Variants in ZDHHC11B observed in about 807,000 individuals in gnomAD.
ZDHHC11B encodes the protein zDHHC palmitoyltransferase 11B (putative), also known as probable palmitoyltransferase ZDHHC11B.
Under a neutral mutation model 42.3 loss-of-function variants are expected in ZDHHC11B, and 17 were observed. That is an observed-to-expected ratio of 0.40 (90% CI 0.27 to 0.60). The LOEUF is 0.60. ZDHHC11B is among the 20% of genes least tolerant of loss of function. The probability of loss-of-function intolerance (pLI) is 0.41; values close to 1 mark genes in which losing one functional copy is unlikely to be tolerated. For missense variants in ZDHHC11B, 262 were observed against 463.2 expected, an observed-to-expected ratio of 0.57 and a Z score of 3.99; for synonymous variants, 123 against 193.5, an observed-to-expected ratio of 0.64 and a Z score of 3.02.
chr5:777,544 T>C (rs1579465982), intron 1 of ZDHHC11B, among the ~76,000 whole-genome samples: 1 of 151,880 alleles, frequency 6.6e-6, no homozygotes, highest in East Asian at 1.9e-4. Context: ...GAGAATGGAG[T>C]CAGGTTGCGG....
chr5:753,441 C>A (rs1160994792), intron 6 of ZDHHC11B, among the ~76,000 whole-genome samples: 41 of 131,470 alleles, frequency 3.1e-4, no homozygotes, highest in Middle Eastern at 3.8e-3. Context: ...ACACTTGGCA[C>A]CCACGTGGTC....
At position 714,881 on chromosome 5, in the gene ZDHHC11B, G is replaced by T. The variant is rs1406091172; in HGVS notation, c.*7+1920C>A. Among the ~76,000 whole-genome samples, 128 of 151,472 alleles carry T rather than the reference G, an allele frequency of 8.5e-4. 4 individuals are homozygous for T. Among genetic ancestry groups the T allele is most frequent in the Admixed American group, 7.6e-3 (115 of 15,194 alleles). ...ACAGATTAATGCCCTCCCTCTGAAG[G>T]GAGTGAGTTCATGCTCTAGTACTTC... is the stretch of plus-strand genomic sequence containing the variant. On this transcript the variant is annotated intron_variant, in intron 13 of 13. Coordinates refer to ENST00000508859, the MANE Select transcript of ZDHHC11B (RefSeq NM_001351303.2).
At chr5:723,005 GA>G (rs1372363631) in intron 12 of ZDHHC11B, among the ~76,000 whole-genome samples, 1 of 151,586 alleles carries the variant, frequency 6.6e-6, no homozygotes, top group Admixed American at 6.6e-5. Context: ...TATCTATATA[GA>G]TATCTAAGGA....
At chr5:773,434 C>T (rs1736216182) in intron 1 of ZDHHC11B, among the ~76,000 whole-genome samples, 1 of 151,898 alleles carries the variant, frequency 6.6e-6, no homozygotes, top group South Asian at 2.1e-4. Context: ...GGACAAGCTC[C>T]CAGGCGTGTA....
chr5:775,269 C>G (rs141475080), intron 1 of ZDHHC11B, among the ~76,000 whole-genome samples: 1 of 151,940 alleles, frequency 6.6e-6, no homozygotes, highest in Non-Finnish European at 1.5e-5. Context: ...CAGCTGCACC[C>G]GCTGACCCCC....
chr5:774,510 C>T (rs1290163030), intron 1 of ZDHHC11B, among the ~76,000 whole-genome samples: 14 of 152,246 alleles, frequency 9.2e-5, no homozygotes, highest in Non-Finnish European at 1.5e-5. Context: ...GTTACTAGGA[C>T]CTGGGGTCTG....
chr5:767,057 G>A, intron 3 of ZDHHC11B, 138 bp from the exon 4 acceptor site: 1 of 1,136,282 alleles, frequency 8.8e-7, no homozygotes, highest in Non-Finnish European at 1.3e-6. Flanking sequence ...GCATTGCCTG[G>A]GGCCACGTTC....
chr5:765,220 G>T (rs1244165693), intron 4 of ZDHHC11B, among the ~76,000 whole-genome samples: 1 of 151,324 alleles, frequency 6.6e-6, no homozygotes, highest in Non-Finnish European at 1.5e-5. Flanking sequence ...TCTAGCTAAG[G>T]GATTGTAAAT....
chr5:777,117 G>A (rs942397298), intron 1 of ZDHHC11B, among the ~76,000 whole-genome samples: 2 of 151,938 alleles, frequency 1.3e-5, no homozygotes, highest in Admixed American at 1.3e-4. Context: ...TCTTAAAGAT[G>A]GCGACCCTGG....
chr5:733,345 T>C (rs1743192117), intron 11 of ZDHHC11B, among the ~76,000 whole-genome samples: 1 of 151,848 alleles, frequency 6.6e-6, no homozygotes, highest in Non-Finnish European at 1.5e-5. Context: ...CCACACACAG[T>C]CCTTCCTGAG....
At chr5:730,694 C>T (rs1312198551) in intron 11 of ZDHHC11B, among the ~76,000 whole-genome samples, 1 of 151,648 alleles carries the variant, frequency 6.6e-6, no homozygotes, top group Non-Finnish European at 1.5e-5. Flanking sequence ...AGGTTGACAT[C>T]CTGACACCCA....
At chr5:728,814 G>A (rs182927498) in intron 12 of ZDHHC11B, among the ~76,000 whole-genome samples, 7 of 151,928 alleles carry the variant, frequency 4.6e-5, no homozygotes, top group Non-Finnish European at 7.4e-5. Context: ...TTGAGCTCAG[G>A]AGTTCGAGAC....
intron 7 of ZDHHC11B, among the ~76,000 whole-genome samples, chr5:750,517 C>T (rs1745470767): frequency 7.7e-6 from 1 of 130,594 alleles, no homozygotes; most frequent in African/African-American, 2.5e-5. Context: ...ACCCTCCCAC[C>T]TCAGATATTA....
At chr5:776,480 G>A (rs754076953) in intron 1 of ZDHHC11B, among the ~76,000 whole-genome samples, 5 of 151,922 alleles carry the variant, frequency 3.3e-5, no homozygotes, top group East Asian at 1.9e-4. Context: ...TGGCCAGCAG[G>A]GCTGAGGGGA....
At chr5:774,186 A>C (rs1442982119) in intron 1 of ZDHHC11B, among the ~76,000 whole-genome samples, 1 of 152,170 alleles carries the variant, frequency 6.6e-6, no homozygotes, top group African/African-American at 2.4e-5. Flanking sequence ...CCTGGGCCCC[A>C]TTTGTCAGAA....
rs3817053 is a variant in ZDHHC11B, at chr5:748,725, G to A, written c.629-166C>T. On this transcript the variant is annotated intron_variant, in intron 7 of 13. Coordinates refer to ENST00000508859, the MANE Select transcript of ZDHHC11B (RefSeq NM_001351303.2). Reference sequence around the variant, plus strand: ...CACCTTCCTTACCTGAGTGCCCCATGGGCCCTGCTGACTGAGGTTGGTTTT... The same window carrying A: ...CACCTTCCTTACCTGAGTGCCCCATAGGCCCTGCTGACTGAGGTTGGTTTT... 3.1e-5 allele frequency among the ~76,000 whole-genome samples: 4 copies of A among 128,138 alleles called. 1 individual carries two copies. Among genetic ancestry groups the A allele is most frequent in the South Asian group, 3.4e-4 (1 of 2,932 alleles). 84.1% of individuals were successfully genotyped at this position (128,138 alleles called of 152,430 possible).
intron 1 of ZDHHC11B, among the ~76,000 whole-genome samples, chr5:778,678 C>T (rs1158413874): frequency 6.6e-6 from 1 of 152,088 alleles, no homozygotes; most frequent in Non-Finnish European, 1.5e-5. Flanking sequence ...AACCTGTGAA[C>T]GCGACCTTGT....
At chr5:737,010 A>G (rs1743601400) in intron 10 of ZDHHC11B, among the ~76,000 whole-genome samples, 1 of 147,212 alleles carries the variant, frequency 6.8e-6, no homozygotes, top group African/African-American at 2.5e-5. Context: ...CAAAAAAACC[A>G]CAAAAGATAA....
At chr5:777,386 T>A (rs1235118606) in intron 1 of ZDHHC11B, among the ~76,000 whole-genome samples, 1 of 151,850 alleles carries the variant, frequency 6.6e-6, no homozygotes, top group Non-Finnish European at 1.5e-5. Flanking sequence ...GGTGGGCTCG[T>A]GGTCTGGCTG....
Sources: gnomAD v4.1 joint callset for allele counts (sites outside exome capture counted in the v4.1 genomes callset) on GRCh38, gnomAD v4.1.1 for gene constraint, MANE v1.5 for transcripts, NCBI Gene and HGNC (gene_info 2026-07-23, HGNC 2026-07-21) for gene names.